The following FGD6 variants were observed in gnomAD, a reference collection of about 807,000 sequenced individuals.
The protein encoded by FGD6 is FYVE, RhoGEF and PH domain containing 6, also known as FYVE, RhoGEF and PH domain-containing protein 6.
FGD6 carries 90 observed loss-of-function variants against 149.4 expected under a neutral mutation model. The ratio of observed to expected loss-of-function variants is 0.60; its 90% CI spans 0.51 to 0.72. The LOEUF (loss-of-function observed/expected upper bound fraction) is 0.72, where lower values mean the gene tolerates loss of function less well. FGD6 is among the 30% of genes least tolerant of loss of function. The pLI is 0.00. For missense variants in FGD6, 1,437 were observed against 1,684.8 expected (o/e 0.85, Z 2.57); for synonymous variants, 527 against 584.0 (o/e 0.90, Z 1.41).
chr12:95,184,435 A>T (rs1881367999), intron 2 of FGD6, among the ~76,000 whole-genome samples: 1 of 152,198 alleles, frequency 6.6e-6, no homozygotes, highest in Non-Finnish European at 1.5e-5. Context: ...CTATTCACAC[A>T]AATGATATGT....
At chr12:95,098,417 T>C (rs1878312400) in intron 14 of FGD6, among the ~76,000 whole-genome samples, 1 of 152,204 alleles carries the variant, frequency 6.6e-6, no homozygotes, top group Non-Finnish European at 1.5e-5. Context: ...AGCGGTTTCC[T>C]GTGGCTCTTA....
At chr12:95,160,271 T>C (rs2136277191) in intron 3 of FGD6, among the ~76,000 whole-genome samples, 1 of 152,144 alleles carries the variant, frequency 6.6e-6, no homozygotes, top group Admixed American at 6.5e-5. Flanking sequence ...AATAAGTATA[T>C]AAAAACTTGT....
chr12:95,172,236 C>T (rs1441065445), intron 3 of FGD6, among the ~76,000 whole-genome samples: 4 of 152,052 alleles, frequency 2.6e-5, no homozygotes, highest in African/African-American at 4.8e-5. Context: ...ATTAGCCAGG[C>T]GTGGTGGCAG....
chr12:95,083,906 G>A (rs141087072), intron 20 of FGD6, among the ~76,000 whole-genome samples: 3 of 152,256 alleles, frequency 2.0e-5, no homozygotes, highest in African/African-American at 7.2e-5. Context: ...AGGTAGATAC[G>A]CATCTCTATG....
chr12:95,148,721 T>C (rs868495034), intron 5 of FGD6, among the ~76,000 whole-genome samples: 8 of 89,046 alleles, frequency 9.0e-5, no homozygotes, highest in African/African-American at 3.6e-4. Context: ...TAGCATATGT[T>C]ATATTACATA....
chr12:95,196,180 C>T (rs1436178423), intron 2 of FGD6, among the ~76,000 whole-genome samples: 2 of 152,274 alleles, frequency 1.3e-5, no homozygotes, highest in South Asian at 2.1e-4. Flanking sequence ...TTTAAATATA[C>T]CTTTAACAGC....
intron 14 of FGD6, among the ~76,000 whole-genome samples, chr12:95,102,082 G>T (rs555602173): frequency 6.6e-6 from 1 of 151,500 alleles, no homozygotes; most frequent in African/African-American, 2.4e-5. Context: ...GAGTGGGGGT[G>T]GATCACCTGA....
chr12:95,128,290 C>G (rs1439220128), intron 8 of FGD6, among the ~76,000 whole-genome samples: 2 of 152,082 alleles, frequency 1.3e-5, no homozygotes, highest in Admixed American at 6.6e-5. Context: ...GGGTGAAGTA[C>G]AACAGGCACG....
chr12:95,175,809 A>G (rs889667758), intron 2 of FGD6, among the ~76,000 whole-genome samples: 4 of 147,324 alleles, frequency 2.7e-5, no homozygotes, highest in Non-Finnish European at 6.0e-5. Context: ...CAAAAAAAAA[A>G]AAAAAAAAAA....
chr12:95,205,326 A>G (rs1217739499), intron 2 of FGD6, among the ~76,000 whole-genome samples: 3 of 152,206 alleles, frequency 2.0e-5, no homozygotes, highest in Non-Finnish European at 4.4e-5. Context: ...ATTCTAAAGA[A>G]TAAGACCATA....
At chr12:95,085,748 C>T in intron 19 of FGD6, 32 bp downstream of exon 19, 1 of 1,572,196 alleles carries the variant, frequency 6.4e-7, no homozygotes, top group South Asian at 1.2e-5. Context: ...TACAAAACCC[C>T]AAATTACTCA....
intron 14 of FGD6, among the ~76,000 whole-genome samples, chr12:95,103,146 G>A (rs952664659): frequency 5.9e-5 from 9 of 152,138 alleles, no homozygotes; most frequent in Non-Finnish European, 7.4e-5. Flanking sequence ...GTATAATAAC[G>A]ACAACTTGCC....
intron 3 of FGD6, among the ~76,000 whole-genome samples, chr12:95,163,190 C>T (rs184259400): frequency 6.6e-6 from 1 of 152,174 alleles, no homozygotes; most frequent in Non-Finnish European, 1.5e-5. Flanking sequence ...TGTGTACTCT[C>T]TAACCCACCA....
chr12:95,117,421 CT>C (rs1021156177), intron 8 of FGD6, among the ~76,000 whole-genome samples: 84 of 146,708 alleles, frequency 5.7e-4, no homozygotes, highest in African/African-American at 1.3e-3. Context: ...TGCAAGCTGC[CT>C]TTTTTTTTTC....
intron 8 of FGD6, among the ~76,000 whole-genome samples, chr12:95,113,930 T>C (rs1019821985): frequency 6.6e-6 from 1 of 152,146 alleles, no homozygotes; most frequent in South Asian, 2.1e-4. Flanking sequence ...ATTTTAGAGA[T>C]GAGGAATCAG....
chr12:95,211,534 T>C (rs1274481897), intron 1 of FGD6, among the ~76,000 whole-genome samples: 2 of 101,824 alleles, frequency 2.0e-5, no homozygotes, highest in Non-Finnish European at 3.8e-5. Context: ...TCTTTTTTTC[T>C]TTTTCTTCTT....
At position 95,108,498 on chromosome 12, in the gene FGD6, C is replaced by T; in HGVS notation, c.3192+5G>A. The T allele has an allele frequency of 7.4e-6, 12 of 1,614,132 alleles. No homozygotes were observed. Among genetic ancestry groups the T allele is most frequent in the Non-Finnish European group, 1.0e-5 (12 of 1,180,000 alleles). ...CACACCAGCCACTGACAACAAGACA[C>T]TTACTCCTTGCTTCATGGTGTCATT... On this transcript the variant is annotated splice_donor_5th_base_variant and intron_variant, in intron 10 of 20. Coordinates refer to ENST00000343958, the MANE Select transcript of FGD6 (RefSeq NM_018351.4).
intron 20 of FGD6, among the ~76,000 whole-genome samples, chr12:95,083,002 A>T (rs1172811608): frequency 2.4e-4 from 12 of 49,306 alleles, no homozygotes; most frequent in South Asian, 1.6e-3. Context: ...AAAAAAAAAA[A>T]AAAAAAAAAA....
chr12:95,166,855 T>C (rs1012076578), intron 3 of FGD6, among the ~76,000 whole-genome samples: 6 of 20,616 alleles, frequency 2.9e-4, no homozygotes, highest in Non-Finnish European at 6.8e-4. Flanking sequence ...TTCTTTCTAC[T>C]TTTTTTTTTT....
Sources: allele counts gnomAD v4.1 joint callset (sites outside exome capture counted in the v4.1 genomes callset), GRCh38; gene constraint gnomAD v4.1.1; transcripts MANE v1.5; gene names NCBI Gene and HGNC (gene_info 2026-07-23, HGNC 2026-07-21).